RNF144A: variants seen among roughly 807,000 people sequenced by gnomAD.
RNF144A encodes ring finger protein 144A.
Under a neutral mutation model 38.7 loss-of-function variants are expected in RNF144A, and 11 were observed. The observed-to-expected ratio is 0.28, with a 90% CI of 0.18 to 0.47. The LOEUF is 0.47. Ranked by LOEUF, RNF144A falls within the 20% of genes least tolerant of loss-of-function variation. RNF144A has a pLI of 0.99. For synonymous variants in RNF144A, 149 were observed against 143.9 expected, an observed-to-expected ratio of 1.04 and a Z score of -0.25; for missense variants, 316 against 377.2, an observed-to-expected ratio of 0.84 and a Z score of 1.34.
intron 3 of RNF144A, among the ~76,000 whole-genome samples, chr2:7,006,999 A>T (rs1670485853): frequency 6.6e-6 from 1 of 152,044 alleles, no homozygotes; most frequent in Admixed American, 6.6e-5. Context: ...GCCTTTGCAC[A>T]CCCTGCCCTA....
intron 3 of RNF144A, among the ~76,000 whole-genome samples, chr2:7,007,622 T>G (rs544780043): frequency 6.6e-6 from 1 of 152,260 alleles, no homozygotes; most frequent in South Asian, 2.1e-4. Flanking sequence ...TGTCACAGCC[T>G]TGGTGTGGAG....
At chr2:7,057,448 G>A (rs1194615825) in intron 6 of RNF144A, among the ~76,000 whole-genome samples, 2 of 152,214 alleles carry the variant, frequency 1.3e-5, no homozygotes, top group African/African-American at 4.8e-5. Flanking sequence ...GAGGCAGTAA[G>A]ATGTTAGACA....
intron 2 of RNF144A, among the ~76,000 whole-genome samples, chr2:6,970,188 G>T (rs1355826345): frequency 6.6e-6 from 1 of 152,214 alleles, no homozygotes; most frequent in Non-Finnish European, 1.5e-5. Flanking sequence ...ATCTCATCTT[G>T]TAGCTCCCAT....
chr2:6,987,274 G>T (rs923925859), intron 2 of RNF144A, among the ~76,000 whole-genome samples: 1 of 152,234 alleles, frequency 6.6e-6, no homozygotes, highest in African/African-American at 2.4e-5. Context: ...CTGGTCTGCA[G>T]ATCTGCGGGG....
chr2:6,955,467 G>A (rs113649344), intron 2 of RNF144A, among the ~76,000 whole-genome samples: 9 of 152,252 alleles, frequency 5.9e-5, no homozygotes, highest in African/African-American at 1.9e-4. Context: ...GCTGGCCAGT[G>A]CCTAGACCGA....
chr2:7,019,515 A>G (rs1164221001), intron 5 of RNF144A, among the ~76,000 whole-genome samples: 2 of 152,144 alleles, frequency 1.3e-5, no homozygotes, highest in Non-Finnish European at 2.9e-5. Flanking sequence ...ACTACTTCCC[A>G]AGAAGAGCCC....
At chr2:6,963,003 G>T (rs1558387504) in intron 2 of RNF144A, among the ~76,000 whole-genome samples, 1 of 152,230 alleles carries the variant, frequency 6.6e-6, no homozygotes, top group South Asian at 2.1e-4. Context: ...AGAGGTCAAG[G>T]ATGAAGTCGT....
chr2:6,926,512 T>G (rs1664878288), intron 1 of RNF144A, among the ~76,000 whole-genome samples: 1 of 152,194 alleles, frequency 6.6e-6, no homozygotes, highest in Non-Finnish European at 1.5e-5. Flanking sequence ...CCATATGGAT[T>G]AGGCCCAGAG....
intron 2 of RNF144A, among the ~76,000 whole-genome samples, chr2:6,992,430 T>C (rs1669457388): frequency 6.6e-6 from 1 of 151,968 alleles, no homozygotes; most frequent in Non-Finnish European, 1.5e-5. Flanking sequence ...CGGGGAGACG[T>C]GAGAAATCAG....
intron 2 of RNF144A, among the ~76,000 whole-genome samples, chr2:6,982,152 A>T (rs756165202): frequency 1.3e-5 from 2 of 152,358 alleles, no homozygotes; most frequent in African/African-American, 4.8e-5. Context: ...TTACAATTCC[A>T]GATAAGATTT....
At chr2:6,955,779 C>T (rs886624213) in intron 2 of RNF144A, among the ~76,000 whole-genome samples, 1 of 152,074 alleles carries the variant, frequency 6.6e-6, no homozygotes, top group South Asian at 2.1e-4. Flanking sequence ...GACAAGAAGC[C>T]CCATTTTAAT....
At chr2:6,981,235 T>A (rs1467617399) in intron 2 of RNF144A, among the ~76,000 whole-genome samples, 2 of 152,252 alleles carry the variant, frequency 1.3e-5, no homozygotes, top group Non-Finnish European at 2.9e-5. Context: ...TTGTTATTTA[T>A]GCAAATTTCT....
Position 7,040,570 on chromosome 2 carries a change from C to T in RNF144A, c.*810C>T. Reference sequence around the variant, plus strand: ...TGGTGATTCAGCTCAGCTCATGGGCCTCATCCCTTCTCTCCCAGGTAGCAG... The same window carrying T: ...TGGTGATTCAGCTCAGCTCATGGGCTTCATCCCTTCTCTCCCAGGTAGCAG... On this transcript the variant is annotated 3_prime_UTR_variant, in exon 9 of 9. Coordinates refer to ENST00000320892, the MANE Select transcript of RNF144A (RefSeq NM_014746.6). 1.0e-6 allele frequency: 1 copy of T among 985,436 alleles called. No individual in the cohort carries two copies. Among genetic ancestry groups the T allele is most frequent in the Non-Finnish European group, 1.2e-6 (1 of 829,936 alleles). The allele number at this position is 985,436 out of a possible 1,614,324, so 61.0% of individuals were successfully genotyped here.
intron 5 of RNF144A, among the ~76,000 whole-genome samples, chr2:7,019,467 A>G (rs1671369970): frequency 6.6e-6 from 1 of 152,216 alleles, no homozygotes; most frequent in South Asian, 2.1e-4. Context: ...AGGACTTGTC[A>G]TCGCCTTTCA....
chr2:7,060,568 A>G (rs1048003034), intron 6 of RNF144A, among the ~76,000 whole-genome samples: 1 of 152,228 alleles, frequency 6.6e-6, no homozygotes, highest in African/African-American at 2.4e-5. Flanking sequence ...ATGGAGAGAA[A>G]GATCACTGCA....
intron 2 of RNF144A, among the ~76,000 whole-genome samples, chr2:6,987,927 G>A (rs1203263679): frequency 6.6e-6 from 1 of 152,106 alleles, no homozygotes; most frequent in Non-Finnish European, 1.5e-5. Flanking sequence ...TGTTTTATGG[G>A]CTCCTTGGGC....
intron 6 of RNF144A, among the ~76,000 whole-genome samples, chr2:7,021,802 C>T (rs1671550196): frequency 6.6e-6 from 1 of 152,238 alleles, no homozygotes; most frequent in Admixed American, 6.5e-5. Flanking sequence ...CAAGCACGAA[C>T]CACTTGTACT....
At chr2:6,990,572 A>ACACACACACACAC (rs377124161) in intron 2 of RNF144A, among the ~76,000 whole-genome samples, 5 of 83,970 alleles carry the variant, frequency 6.0e-5, no homozygotes, top group Non-Finnish European at 9.5e-5. Context: ...TACACACACA[A>ACACACACACACAC]ACACACACAC....
rs2103299064 is a variant in RNF144A, at chr2:6,941,981, T to C, written c.-12+834T>C. Among the ~76,000 whole-genome samples the C allele has an allele frequency of 6.6e-6, 1 of 152,376 alleles. No individual in the cohort carries two copies. The highest frequency in any genetic ancestry group is 1.9e-4 in the East Asian group (1 of 5,182). ...GGGGAATTCTAGGTTCATGATGGGA[T>C]ATCAGTGTAGGGTTTTAAGCAGAGA... On this transcript the variant is annotated intron_variant, in intron 2 of 8. Coordinates refer to ENST00000320892, the MANE Select transcript of RNF144A (RefSeq NM_014746.6). This position sits in a 1 kb window ranked among gnomAD's most constrained non-coding sequence, Gnocchi z 6.5.
Sources: allele counts gnomAD v4.1 joint callset (sites outside exome capture counted in the v4.1 genomes callset), GRCh38; gene constraint gnomAD v4.1.1; non-coding constraint Gnocchi (gnomAD v3.1); transcripts MANE v1.5; gene names NCBI Gene and HGNC (gene_info 2026-07-23, HGNC 2026-07-21).